The following DHX40 variants were observed in gnomAD, a reference collection of about 807,000 sequenced individuals.
DHX40 encodes the protein DEAH-box helicase 40.
In DHX40, 28 loss-of-function variants were observed where a neutral mutation model predicts 89.6. The observed-to-expected ratio is 0.31, with a 90% CI of 0.23 to 0.43. DHX40 has a LOEUF of 0.43. Among genes scored for constraint, DHX40 ranks in the 20% least tolerant of loss-of-function variants. The pLI, the probability that DHX40 is intolerant of heterozygous loss-of-function variation, is 1.00. For synonymous variants in DHX40, 226 were observed against 283.6 expected (o/e 0.80, Z 2.04); for missense variants, 457 against 844.0 (o/e 0.54, Z 5.68).
intron 2 of DHX40, among the ~76,000 whole-genome samples, chr17:59,567,766 A>G (rs550851644): frequency 6.6e-6 from 1 of 151,512 alleles, no homozygotes; most frequent in East Asian, 1.9e-4. Context: ...CTCTACTAAA[A>G]ATAGAAAAAA....
At chr17:59,587,026 G>A (rs2049008063) in intron 11 of DHX40, among the ~76,000 whole-genome samples, 1 of 151,916 alleles carries the variant, frequency 6.6e-6, no homozygotes, top group South Asian at 2.1e-4. Context: ...GTTGGCACAT[G>A]CCAGTAGTCC....
intron 12 of DHX40, among the ~76,000 whole-genome samples, chr17:59,588,922 A>G (rs2049039958): frequency 6.6e-6 from 1 of 152,112 alleles, no homozygotes; most frequent in African/African-American, 2.4e-5. Context: ...TTGCGGTACC[A>G]TTTGTTCAAA....
At chr17:59,591,135 C>G (rs1447028176) in intron 12 of DHX40, among the ~76,000 whole-genome samples, 5 of 151,556 alleles carry the variant, frequency 3.3e-5, no homozygotes, top group Non-Finnish European at 7.4e-5. Context: ...ATGGTGAAAC[C>G]CTGTCTCTAC....
chr17:59,591,236 C>T (rs1444563831), intron 12 of DHX40, among the ~76,000 whole-genome samples: 4 of 151,510 alleles, frequency 2.6e-5, no homozygotes, highest in East Asian at 1.9e-4. Flanking sequence ...ATCCAGGAGG[C>T]GGAGGTTGCA....
chr17:59,575,714 T>C (rs2048871840), intron 7 of DHX40: 1 of 390,354 alleles, frequency 2.6e-6, no homozygotes, highest in South Asian at 2.2e-5. Context: ...ATCCCCCTTA[T>C]TATCGTTTAG....
chr17:59,606,993 CA>C (rs767146889), intron 17 of DHX40, 39 bp from the exon 18 acceptor site: 6 of 1,566,552 alleles, frequency 3.8e-6, no homozygotes, highest in African/African-American at 2.7e-5. Context: ...TACTGAATCT[CA>C]AAGCTAAGTT....
chr17:59,602,309 C>T (rs1213905286), intron 14 of DHX40, among the ~76,000 whole-genome samples: 1 of 152,168 alleles, frequency 6.6e-6, no homozygotes, highest in African/African-American at 2.4e-5. Flanking sequence ...TTTCCTGTCT[C>T]TGTCCTTTAT....
chr17:59,602,654 A>AGTATTAT, intron 15 of DHX40, 38 bp downstream of exon 15: 2 of 1,511,926 alleles, frequency 1.3e-6, no homozygotes, highest in Non-Finnish European at 1.8e-6. Context: ...TCAAGATATA[A>AGTATTAT]TACTGTATTT....
Position 59,565,730 on chromosome 17 carries a change from G to A in DHX40, c.59G>A (p.Arg20Gln). The A allele has an allele frequency of 6.2e-7, 1 of 1,605,080 alleles. No individual in the cohort carries two copies. Among genetic ancestry groups the A allele is most frequent in the Non-Finnish European group, 8.5e-7 (1 of 1,179,636 alleles). ...RAPRRQEEGE[R>Q]SRDLQEERLS... The stretch of plus-strand genomic sequence containing the variant: ...CCAAGGCGGCAGGAGGAGGGTGAGC[G>A]GTCAAGAGACCTCCAGGAAGAGCGG... Residue 20 changes from arginine to glutamine, a missense_variant, in exon 1 of 18, where the codon CGG becomes CAG. Arg to Gln is a conservative substitution (Grantham distance 43). Coordinates refer to ENST00000251241, the MANE Select transcript of DHX40 (RefSeq NM_024612.5).
At chr17:59,572,789 A>G (rs931517669) in intron 3 of DHX40, among the ~76,000 whole-genome samples, 1 of 152,234 alleles carries the variant, frequency 6.6e-6, no homozygotes, top group African/African-American at 2.4e-5. Flanking sequence ...TCAGAAAGAT[A>G]AATCTCATTT....
intron 2 of DHX40, among the ~76,000 whole-genome samples, chr17:59,567,672 ATCCCAGC>A (rs2048725826): frequency 6.6e-6 from 1 of 152,122 alleles, no homozygotes. Flanking sequence ...CACGCCTGTA[ATCCCAGC>A]ACTTTGGGAG....
chr17:59,600,930 G>GC (rs1338959653), intron 14 of DHX40, among the ~76,000 whole-genome samples: 2 of 148,554 alleles, frequency 1.3e-5, no homozygotes, highest in Non-Finnish European at 3.0e-5. Context: ...ATGTTGTGCA[G>GC]CCCTTACCAC....
intron 10 of DHX40, among the ~76,000 whole-genome samples, chr17:59,581,106 G>T (rs1465447740): frequency 6.7e-6 from 1 of 149,770 alleles, no homozygotes; most frequent in African/African-American, 2.5e-5. Context: ...AAAACAAAAG[G>T]GTATACAGTT....
At chr17:59,596,339 G>A (rs2030071635) in intron 12 of DHX40, among the ~76,000 whole-genome samples, 1 of 152,358 alleles carries the variant, frequency 6.6e-6, no homozygotes, top group East Asian at 1.9e-4. Flanking sequence ...GGCCAGGGCG[G>A]GCGGATCACC....
intron 12 of DHX40, among the ~76,000 whole-genome samples, chr17:59,591,823 A>G (rs1165291864): frequency 1.3e-5 from 2 of 151,860 alleles, no homozygotes; most frequent in Non-Finnish European, 2.9e-5. Flanking sequence ...AGGCAAGAAC[A>G]AGGGCAATCT....
chr17:59,567,245 G>A (rs933169731), intron 2 of DHX40, among the ~76,000 whole-genome samples: 3 of 152,176 alleles, frequency 2.0e-5, no homozygotes, highest in Non-Finnish European at 4.4e-5. Context: ...AATACGTTAA[G>A]TAAAGTTAAT....
In DHX40 at chr17:59,592,101, G is replaced by C. The variant is rs1284659573; in HGVS notation, c.1582+4048G>C. On this transcript the variant is annotated intron_variant, in intron 12 of 17. Coordinates refer to ENST00000251241, the MANE Select transcript of DHX40 (RefSeq NM_024612.5). The stretch of plus-strand genomic sequence containing the variant: ...GCCCAGGTTAGTCTCAAACTCCTAG[G>C]CTCAAGCAATCCTCCTGCTTTGGTC... Among the ~76,000 whole-genome samples the C allele has an allele frequency of 2.6e-5, 4 of 151,326 alleles. No individual in the cohort carries two copies. The South Asian group carries it at 8.4e-4, about 32-fold the overall frequency.
intron 2 of DHX40, among the ~76,000 whole-genome samples, chr17:59,568,855 A>AT: frequency 6.9e-6 from 1 of 144,076 alleles, no homozygotes; most frequent in South Asian, 2.2e-4. Flanking sequence ...TATATATATA[A>AT]ATATAGATAT....
intron 6 of DHX40, among the ~76,000 whole-genome samples, chr17:59,574,622 C>T (rs371378947): frequency 6.7e-6 from 1 of 149,474 alleles, no homozygotes; most frequent in Non-Finnish European, 1.5e-5. Context: ...GTAAAACACA[C>T]TGACCTTTTA....
Sources: allele counts gnomAD v4.1 joint callset (sites outside exome capture counted in the v4.1 genomes callset), GRCh38; gene constraint gnomAD v4.1.1; transcripts MANE v1.5; gene names NCBI Gene and HGNC (gene_info 2026-07-23, HGNC 2026-07-21).